LIPC: variants seen among roughly 807,000 people sequenced by gnomAD.
LIPC encodes hepatic triacylglycerol lipase.
Under a neutral mutation model 50.7 loss-of-function variants are expected in LIPC, and 44 were observed. The observed-to-expected ratio is 0.87, with a 90% CI of 0.68 to 1.11. The LOEUF is 1.11. Ranked by LOEUF, LIPC falls within the 50% of genes most tolerant of loss-of-function variation. The probability of loss-of-function intolerance (pLI) is 0.00; values close to 1 mark genes in which losing one functional copy is unlikely to be tolerated. For missense variants in LIPC, 697 were observed against 648.2 expected (o/e 1.08, Z -0.82); for synonymous variants, 271 against 256.4 (o/e 1.06, Z -0.54).
chr15:58,564,572 C>CA (rs1894293639), intron 8 of LIPC, among the ~76,000 whole-genome samples: 1 of 151,312 alleles, frequency 6.6e-6, no homozygotes, highest in Admixed American at 6.6e-5. Flanking sequence ...TACAAAAATA[C>CA]AAAAATTAGC....
intron 2 of LIPC, among the ~76,000 whole-genome samples, chr15:58,538,867 A>G (rs1402406307): frequency 1.3e-5 from 2 of 152,274 alleles, no homozygotes; most frequent in Non-Finnish European, 2.9e-5. Context: ...AGGAAGCCAG[A>G]AGAATGGACT....
rs11351202 is a variant in LIPC, at chr15:58,516,237, C to CTTTTT, written c.89-22075_89-22071dup. ...CAGTTTGACTTTTTACCTCTAGCTTCTTTTTTTTTTTTTTTTTTTTTTTTT... is the reference window on the plus strand; with the variant it reads ...CAGTTTGACTTTTTACCTCTAGCTTCTTTTTTTTTTTTTTTTTTTTTTTTTTTTTT... On this transcript the variant is annotated intron_variant, in intron 1 of 8. Coordinates refer to ENST00000299022, the MANE Select transcript of LIPC (RefSeq NM_000236.3). 4.3e-3 allele frequency among the ~76,000 whole-genome samples: 192 copies of CTTTTT among 45,116 alleles called. 1 individual carries two copies. The highest frequency in any genetic ancestry group is 6.5e-3 in the Non-Finnish European group (157 of 24,146). The allele number at this position is 45,116 out of a possible 152,430, so 29.6% of individuals were successfully genotyped here.
chr15:58,567,363 A>ATG lies in LIPC; in HGVS notation c.1389-1351_1389-1350dup, dbSNP rs1340920051. ...TGTATATGTATATATATATATGTAT[A>ATG]TGTATATATATATATAGTGAACAGA... On this transcript the variant is annotated intron_variant, in intron 8 of 8. Transcript: ENST00000299022. 1.0e-3 allele frequency among the ~76,000 whole-genome samples: 41 copies of ATG among 41,104 alleles called. 1 individual carries two copies. Among genetic ancestry groups the ATG allele is most frequent in the Admixed American group, 4.8e-3 (15 of 3,106 alleles). The allele number at this position is 41,104 out of a possible 152,430, so 27.0% of individuals were successfully genotyped here.
intron 3 of LIPC, 134 bp from the exon 4 acceptor site, chr15:58,542,399 AG>A: frequency 1.3e-6 from 1 of 748,698 alleles, no homozygotes; most frequent in Non-Finnish European, 2.5e-6. Flanking sequence ...GATTAGTTTC[AG>A]TTTGGAGTGT....
At chr15:58,509,432 G>C (rs1270596172) in intron 1 of LIPC, among the ~76,000 whole-genome samples, 2 of 152,194 alleles carry the variant, frequency 1.3e-5, no homozygotes, top group Non-Finnish European at 2.9e-5. Flanking sequence ...CCACAGGCAG[G>C]TTACTCTCTC....
chr15:58,491,277 T>C (rs569336661), intron 1 of LIPC, among the ~76,000 whole-genome samples: 33 of 152,172 alleles, frequency 2.2e-4, no homozygotes, highest in African/African-American at 7.9e-4. Context: ...GGCAGTGCCA[T>C]AGAGTGGTCA....
At position 58,471,329 on chromosome 15, in the gene LIPC, G is replaced by GA. The variant is rs35029529; in HGVS notation, c.88+39209_88+39210insA. On this transcript the variant is annotated intron_variant, in intron 1 of 8. Coordinates refer to ENST00000299022, the MANE Select transcript of LIPC (RefSeq NM_000236.3). ...TTTTTTTTGTATTTTTAGTAGAGAT[G>GA]GGGGGGGGTGGTCTCACCATGTTGG... Among the ~76,000 whole-genome samples the GA allele has an allele frequency of 7.0e-3, 52 of 7,400 alleles. 1 individual carries two copies. The highest frequency in any genetic ancestry group is 0.012 in the African/African-American group (50 of 4,020). 4.9% of individuals were successfully genotyped at this position (7,400 alleles called of 152,430 possible).
At chr15:58,452,359 C>G (rs1893933186) in intron 1 of LIPC, among the ~76,000 whole-genome samples, 1 of 152,194 alleles carries the variant, frequency 6.6e-6, no homozygotes. Flanking sequence ...TCCAATCCAT[C>G]AAGTTCAAAG....
rs35752762 is a variant in LIPC at position 58,471,336 on chromosome 15, G to GGGGGGGC, written c.88+39217_88+39218insGGGGGCG. On this transcript the variant is annotated intron_variant, in intron 1 of 8. Coordinates refer to ENST00000299022, the MANE Select transcript of LIPC (RefSeq NM_000236.3). ...TGTATTTTTAGTAGAGATGGGGGGG[G>GGGGGGGC]GTGGTCTCACCATGTTGGCCAAGCT... is the stretch of plus-strand genomic sequence containing the variant. 9.6e-4 allele frequency among the ~76,000 whole-genome samples: 130 copies of GGGGGGGC among 135,008 alleles called. 2 individuals are homozygous for GGGGGGGC. Among genetic ancestry groups the GGGGGGGC allele is most frequent in the African/African-American group, 4.1e-3 (126 of 30,908 alleles). 88.6% of individuals were successfully genotyped at this position (135,008 alleles called of 152,430 possible).
At chr15:58,531,515 G>A (rs1892958477) in intron 1 of LIPC, among the ~76,000 whole-genome samples, 1 of 149,188 alleles carries the variant, frequency 6.7e-6, no homozygotes, top group South Asian at 2.1e-4. Flanking sequence ...GAAAAGTTTA[G>A]AAGGAAAAAA....
At chr15:58,467,878 G>A (rs1385528097) in intron 1 of LIPC, among the ~76,000 whole-genome samples, 1 of 152,164 alleles carries the variant, frequency 6.6e-6, no homozygotes, top group African/African-American at 2.4e-5. Flanking sequence ...CCCACTGAGG[G>A]TCAGGGACTG....
intron 1 of LIPC, among the ~76,000 whole-genome samples, chr15:58,532,954 A>G (rs1288605428): frequency 6.6e-6 from 1 of 152,212 alleles, no homozygotes; most frequent in Non-Finnish European, 1.5e-5. Flanking sequence ...CTTCTAACTA[A>G]TTTTAAGGAT....
At chr15:58,542,294 G>T (rs1209279047) in intron 3 of LIPC, among the ~76,000 whole-genome samples, 2 of 152,172 alleles carry the variant, frequency 1.3e-5, no homozygotes, top group Non-Finnish European at 2.9e-5. Flanking sequence ...CTTCTGTAGG[G>T]CATTAGTGTC....
chr15:58,559,342 G>T (rs577059098), intron 6 of LIPC, among the ~76,000 whole-genome samples: 113 of 152,314 alleles, frequency 7.4e-4, no homozygotes, highest in African/African-American at 2.4e-3. Flanking sequence ...TCCCACAAAA[G>T]TTTATTAAGC....
At chr15:58,563,745 T>G in intron 8 of LIPC, 22 bp downstream of exon 8, 9 of 1,596,660 alleles carry the variant, frequency 5.6e-6, no homozygotes, top group Non-Finnish European at 7.7e-6. Context: ...TTCAATCTCC[T>G]ATTAACGTCC....
At chr15:58,467,572 C>G (rs533616435) in intron 1 of LIPC, among the ~76,000 whole-genome samples, 2 of 152,112 alleles carry the variant, frequency 1.3e-5, no homozygotes, top group Non-Finnish European at 2.9e-5. Flanking sequence ...CCTGGGCTTA[C>G]GTCAGGCTGT....
chr15:58,464,467 G>A lies in LIPC; in HGVS notation c.88+32347G>A, dbSNP rs559831247. Among the ~76,000 whole-genome samples the A allele has an allele frequency of 1.1e-4, 16 of 152,318 alleles. No individual in the cohort carries two copies. The East Asian group carries it at 2.7e-3, about 26-fold the overall frequency. ...CAAATACTTAACTAGTACAAATAAAGCATTTTATTTAAAGCAAGGTTTAAA... is the reference window on the plus strand; with the variant it reads ...CAAATACTTAACTAGTACAAATAAAACATTTTATTTAAAGCAAGGTTTAAA... On this transcript the variant is annotated intron_variant, in intron 1 of 8. Transcript: ENST00000299022.
At chr15:58,443,595 T>C (rs560528758) in intron 1 of LIPC, among the ~76,000 whole-genome samples, 1 of 152,366 alleles carries the variant, frequency 6.6e-6, no homozygotes, top group East Asian at 1.9e-4. Flanking sequence ...TTTTATGAGC[T>C]GAAGAGGACC....
At chr15:58,476,893 G>A (rs1051966134) in intron 1 of LIPC, among the ~76,000 whole-genome samples, 6 of 152,196 alleles carry the variant, frequency 3.9e-5, no homozygotes, top group Admixed American at 6.5e-5. Context: ...TTGCCTGTGC[G>A]TTTCTGTCGG....
Sources: gnomAD v4.1 joint callset for allele counts (sites outside exome capture counted in the v4.1 genomes callset) on GRCh38, gnomAD v4.1.1 for gene constraint, MANE v1.5 for transcripts, NCBI Gene and HGNC (gene_info 2026-07-23, HGNC 2026-07-21) for gene names.